STOX2: variants seen among roughly 807,000 people sequenced by gnomAD.
STOX2 encodes the protein storkhead-box protein 2.
Under a neutral mutation model 60.9 loss-of-function variants are expected in STOX2, and 28 were observed. The ratio of observed to expected loss-of-function variants is 0.46; its 90% CI spans 0.34 to 0.63. The LOEUF (loss-of-function observed/expected upper bound fraction) is 0.63, where lower values mean the gene tolerates loss of function less well. Among genes scored for constraint, STOX2 ranks in the 30% least tolerant of loss-of-function variants. The pLI is 0.01. For missense variants in STOX2, 1,024 were observed against 1,187.7 expected (o/e 0.86, Z 2.03); for synonymous variants, 472 against 463.9 (o/e 1.02, Z -0.22).
chr4:183,856,106 A>C lies in STOX2; in HGVS notation c.364+58051A>C, dbSNP rs1230534171. 2.0e-5 allele frequency among the ~76,000 whole-genome samples: 3 copies of C among 152,164 alleles called. No homozygotes were observed. The highest frequency in any genetic ancestry group is 7.2e-5 in the African/African-American group (3 of 41,434). ...TTGCTGCAGGGATGGACCTCTCAGA[A>C]ACATCCTAAGTGCGCACCCTGGGGT... On this transcript the variant is annotated intron_variant, in intron 1 of 2. Transcript: ENST00000513034. The surrounding 1 kb of genome is among the most constrained non-coding windows in gnomAD (Gnocchi z 4.0).
chr4:183,812,900 C>T (rs1739066402), intron 1 of STOX2, among the ~76,000 whole-genome samples: 1 of 152,072 alleles, frequency 6.6e-6, no homozygotes, highest in South Asian at 2.1e-4. Context: ...AAAGATTGTC[C>T]AAGCATTTCA....
At chr4:183,890,538 G>GAAGGAGAGAGGGAGGGAGGGAGGA (rs1579379074) in intron 1 of STOX2, among the ~76,000 whole-genome samples, 1 of 140,674 alleles carries the variant, frequency 7.1e-6, no homozygotes, top group East Asian at 2.5e-4. Context: ...AGGAGGGAAG[G>GAAGGAGAGAGGGAGGGAGGGAGGA]AAGGAGAGAG....
intron 1 of STOX2, among the ~76,000 whole-genome samples, chr4:183,898,932 G>C (rs974804537): frequency 2.0e-5 from 3 of 152,110 alleles, no homozygotes; most frequent in Non-Finnish European, 2.9e-5. Context: ...TTTACAAACC[G>C]AAGTTTTCTG....
At chr4:183,946,775 G>C (rs1227112705) in intron 1 of STOX2, among the ~76,000 whole-genome samples, 44 of 152,096 alleles carry the variant, frequency 2.9e-4, no homozygotes, top group African/African-American at 1.0e-3. Flanking sequence ...ACAGGTGCGT[G>C]CCACCACATC....
At chr4:183,861,527 G>A (rs779115255) in intron 1 of STOX2, among the ~76,000 whole-genome samples, 3 of 152,188 alleles carry the variant, frequency 2.0e-5, no homozygotes, top group Admixed American at 6.5e-5. Context: ...TTTCAGGCAG[G>A]GTTTTGTAGA....
chr4:183,965,107 AT>A (rs1459899570), intron 1 of STOX2, among the ~76,000 whole-genome samples: 1 of 152,248 alleles, frequency 6.6e-6, no homozygotes, highest in African/African-American at 2.4e-5. Flanking sequence ...TTGAATTTAA[AT>A]CAAAGCAGTT....
intron 1 of STOX2, among the ~76,000 whole-genome samples, chr4:183,957,905 G>A (rs1259849187): frequency 6.6e-6 from 1 of 150,702 alleles, no homozygotes; most frequent in Non-Finnish European, 1.5e-5. Context: ...AGTGAATAAG[G>A]CACCCTGGTT....
chr4:183,881,213 A>G (rs969880697), intron 1 of STOX2, among the ~76,000 whole-genome samples: 2 of 151,288 alleles, frequency 1.3e-5, no homozygotes, highest in African/African-American at 4.9e-5. Flanking sequence ...GGAGAACAAT[A>G]AAAGGCTGGC....
intron 1 of STOX2, among the ~76,000 whole-genome samples, chr4:183,817,844 A>T (rs542963986): frequency 2.6e-5 from 4 of 152,296 alleles, no homozygotes; most frequent in South Asian, 2.1e-4. Flanking sequence ...TACTTTACAG[A>T]TCACTGTGGT....
intron 1 of STOX2, among the ~76,000 whole-genome samples, chr4:183,890,087 T>C (rs1230099217): frequency 6.6e-6 from 1 of 152,160 alleles, no homozygotes; most frequent in Non-Finnish European, 1.5e-5. Flanking sequence ...CAGGTCTAGC[T>C]CCATACACCT....
intron 1 of STOX2, among the ~76,000 whole-genome samples, chr4:183,890,089 C>CA (rs1313584315): frequency 1.3e-5 from 2 of 152,202 alleles, no homozygotes; most frequent in Non-Finnish European, 2.9e-5. Context: ...GGTCTAGCTC[C>CA]ATACACCTGC....
Position 184,001,216 on chromosome 4 carries a change from A to T in STOX2, c.167-109A>T. 1 of 1,034,328 alleles carries T rather than the reference A, an allele frequency of 9.7e-7. No homozygotes were observed. The highest frequency in any genetic ancestry group is 2.5e-5 in the East Asian group (1 of 40,602). The allele number at this position is 1,034,328 out of a possible 1,614,324, so 64.1% of individuals were successfully genotyped here. On this transcript the variant is annotated intron_variant, in intron 1 of 3. Transcript: ENST00000308497. This position sits in a 1 kb window ranked among gnomAD's most constrained non-coding sequence, Gnocchi z 4.2. ...ATTGGCAAGCAGCTGCTATGTTCGG[A>T]GCTGACTGTGTTCGTCAGACCAGGG...
intron 1 of STOX2, among the ~76,000 whole-genome samples, chr4:183,946,647 A>G (rs1433807069): frequency 8.1e-6 from 1 of 123,364 alleles, no homozygotes; most frequent in African/African-American, 3.9e-5. Context: ...TTTTTTTGTG[A>G]TGGAGTCTCG....
intron 1 of STOX2, among the ~76,000 whole-genome samples, chr4:183,977,546 C>CGCGTGTGTGTGTGTGTGTGTGTGT (rs1732491404): frequency 6.8e-6 from 1 of 147,796 alleles, no homozygotes; most frequent in East Asian, 2.0e-4. Flanking sequence ...CATTCCATTT[C>CGCGTGTGTGTGTGTGTGTGTGTGT]GTGTGTGTGT....
At chr4:184,006,483 GA>G (rs940654311) in intron 2 of STOX2, among the ~76,000 whole-genome samples, 1 of 151,880 alleles carries the variant, frequency 6.6e-6, no homozygotes, top group Non-Finnish European at 1.5e-5. Context: ...GCAGGGGCGG[GA>G]AGATCACTTG....
Position 183,905,800 on chromosome 4 carries a change from C to T in STOX2, c.-991C>T, listed in dbSNP as rs187553132. 1 of 152,240 alleles carries T rather than the reference C, an allele frequency of 6.6e-6. No individual in the cohort carries two copies. The highest frequency in any genetic ancestry group is 1.5e-5 in the Non-Finnish European group (1 of 68,066). The allele number at this position is 152,240 out of a possible 1,614,324, so 9.4% of individuals were successfully genotyped here. A position where few individuals can be genotyped will look rare whatever the true frequency, so the allele number is the denominator to read the frequency against. On this transcript the variant is annotated 5_prime_UTR_variant, in exon 1 of 4. Coordinates refer to ENST00000308497, the MANE Select transcript of STOX2 (RefSeq NM_020225.3). ...GTCCTGCTTCCTGCCCTTCAATAGC[C>T]GTTCCGCGCGCTCGCGCCGGAGCAG...
chr4:183,932,684 T>C (rs185451269), intron 1 of STOX2, among the ~76,000 whole-genome samples: 1 of 152,276 alleles, frequency 6.6e-6, no homozygotes, highest in East Asian at 1.9e-4. Context: ...AGGGCTCATG[T>C]CAGCCTTGAA....
At chr4:183,873,378 G>T (rs1376385878) in intron 1 of STOX2, among the ~76,000 whole-genome samples, 1 of 151,618 alleles carries the variant, frequency 6.6e-6, no homozygotes, top group Non-Finnish European at 1.5e-5. Context: ...TCTGGGAGGC[G>T]GAGGTTGCGG....
chr4:183,973,998 A>G (rs1166359545), intron 1 of STOX2, among the ~76,000 whole-genome samples: 2 of 152,224 alleles, frequency 1.3e-5, no homozygotes, highest in African/African-American at 4.8e-5. Context: ...GTCAAAAAAT[A>G]TATACACGTA....
Sources: allele counts gnomAD v4.1 joint callset (sites outside exome capture counted in the v4.1 genomes callset), GRCh38; gene constraint gnomAD v4.1.1; non-coding constraint Gnocchi (gnomAD v3.1); transcripts MANE v1.5; gene names NCBI Gene and HGNC (gene_info 2026-07-23, HGNC 2026-07-21).